Variants in RBFOX2 observed in about 807,000 individuals in gnomAD.
RBFOX2 encodes RNA binding protein fox-1 homolog 2.
Under a neutral mutation model 49.1 loss-of-function variants are expected in RBFOX2, and 10 were observed. That is an observed-to-expected ratio of 0.20 (90% CI 0.13 to 0.35). RBFOX2 has a LOEUF of 0.35. Ranked by LOEUF, RBFOX2 falls within the 10% of genes least tolerant of loss-of-function variation. The pLI is 1.00. For missense variants in RBFOX2, 323 were observed against 486.9 expected (o/e 0.66, Z 3.17); for synonymous variants, 183 against 187.4 (o/e 0.98, Z 0.19).
chr22:35,740,256 AGTAAAGCAAGTATGAAGGAAGTACAT>A (rs1291327469), exon 12 of RBFOX2: 1 of 152,542 alleles, frequency 6.6e-6, no homozygotes, highest in Non-Finnish European at 1.5e-5. Context: ...CTGGCTGATC[AGTAAAGCAAGTATGAAGGAAGTACAT>A]AGGAAAAGGA....
chr22:35,746,770 G>A (rs947210982), intron 9 of RBFOX2: 13 of 391,644 alleles, frequency 3.3e-5, no homozygotes, highest in African/African-American at 2.7e-4. Flanking sequence ...CGATATGCAA[G>A]GATTTGCTTT....
At chr22:35,811,742 C>A (rs1239537511) in intron 1 of RBFOX2, among the ~76,000 whole-genome samples, 1 of 151,936 alleles carries the variant, frequency 6.6e-6, no homozygotes, top group African/African-American at 2.4e-5. Flanking sequence ...GATGGGAGGA[C>A]TGCCTGCGGC....
chr22:35,751,379 T>G (rs1934849140), intron 9 of RBFOX2, among the ~76,000 whole-genome samples: 1 of 151,442 alleles, frequency 6.6e-6, no homozygotes, highest in African/African-American at 2.4e-5. Context: ...CTACATGTAG[T>G]GTATAGATCA....
In RBFOX2 at chr22:35,836,143, G is replaced by A. The variant is rs567805616; in HGVS notation, c.27+4049C>T. ...GAGCATGACTGGCAGGCAACCGAAT[G>A]GAATCACTTTAAAGCAGTGCCACAA... On this transcript the variant is annotated intron_variant, in intron 1 of 11. Coordinates refer to ENST00000405409, the Ensembl canonical transcript of RBFOX2. Among the ~76,000 whole-genome samples, 5 of 152,140 alleles carry A rather than the reference G, an allele frequency of 3.3e-5. No homozygotes were observed. In the South Asian group the frequency reaches 1.0e-3, roughly 32 times the overall value.
chr22:35,971,592 T>G (rs1227486823), intron 1 of RBFOX2, among the ~76,000 whole-genome samples: 2 of 152,064 alleles, frequency 1.3e-5, no homozygotes, highest in Non-Finnish European at 2.9e-5. Flanking sequence ...TCTCCCCTCC[T>G]TTTAACATTC....
At chr22:36,010,284 A>G (rs984499082) in intron 1 of RBFOX2, among the ~76,000 whole-genome samples, 2 of 152,202 alleles carry the variant, frequency 1.3e-5, no homozygotes, top group Non-Finnish European at 2.9e-5. Context: ...AAATGCCTGG[A>G]AACTTTACAC....
Position 35,892,977 on chromosome 22 carries a change from A to G in RBFOX2, c.-34+45870T>C, listed in dbSNP as rs562289985. Among the ~76,000 whole-genome samples, 18 of 152,304 alleles carry G rather than the reference A, an allele frequency of 1.2e-4. 1 individual carries two copies. In the South Asian group the frequency reaches 3.5e-3, roughly 30 times the overall value. On this transcript the variant is annotated intron_variant, in intron 1 of 13. Coordinates refer to the RBFOX2 transcript ENST00000359369. The stretch of plus-strand genomic sequence containing the variant: ...TGACCACCAAGGCTTCCTTCTATGT[A>G]TCTGGGCATTATTCGCTATAGCTCC...
exon 1 of RBFOX2, chr22:36,028,494 C>T: frequency 9.2e-7 from 1 of 1,088,746 alleles, no homozygotes; most frequent in Non-Finnish European, 1.1e-6. Flanking sequence ...TGGGCCTCGG[C>T]CCCGACTGTC....
intron 1 of RBFOX2, among the ~76,000 whole-genome samples, chr22:35,956,887 T>C (rs1406385746): frequency 6.6e-6 from 1 of 152,206 alleles, no homozygotes; most frequent in Non-Finnish European, 1.5e-5. Context: ...GAATTAGTAA[T>C]AGTAATAATT....
intron 1 of RBFOX2, among the ~76,000 whole-genome samples, chr22:35,971,764 C>T (rs2056882665): frequency 6.6e-6 from 1 of 151,996 alleles, no homozygotes; most frequent in African/African-American, 2.4e-5. Context: ...TAGGTGCATA[C>T]AATTGCAGAG....
intron 1 of RBFOX2, among the ~76,000 whole-genome samples, chr22:35,936,315 G>A (rs1217609676): frequency 1.3e-5 from 2 of 150,342 alleles, no homozygotes; most frequent in South Asian, 2.1e-4. Flanking sequence ...CCAGTTCCTC[G>A]ATTTGCTGAG....
At chr22:35,891,524 T>C (rs1004831897) in intron 1 of RBFOX2, among the ~76,000 whole-genome samples, 4 of 152,222 alleles carry the variant, frequency 2.6e-5, no homozygotes, top group Non-Finnish European at 5.9e-5. Context: ...TTGGCTGAAC[T>C]GATTTATTAA....
At chr22:35,891,658 C>T (rs1342561297) in intron 1 of RBFOX2, among the ~76,000 whole-genome samples, 1 of 152,152 alleles carries the variant, frequency 6.6e-6, no homozygotes, top group East Asian at 1.9e-4. Flanking sequence ...ACAGGGAGAA[C>T]ATATCCTGTT....
At chr22:35,776,394 G>A (rs781629015) in intron 4 of RBFOX2, among the ~76,000 whole-genome samples, 1 of 152,200 alleles carries the variant, frequency 6.6e-6, no homozygotes, top group Non-Finnish European at 1.5e-5. Flanking sequence ...GAAGCTTAGA[G>A]TATAATTACC....
At chr22:35,854,084 T>A (rs1298126639) in intron 1 of RBFOX2, among the ~76,000 whole-genome samples, 4 of 151,956 alleles carry the variant, frequency 2.6e-5, no homozygotes. Context: ...TGGTGGTGCA[T>A]GACTGTAATC....
rs976948509 is a variant in RBFOX2, at chr22:35,973,689, A to G, written c.187-34792T>C. Reference sequence around the variant, plus strand: ...CTCTTATCTGGAGCCAATGTGATCAATGTTTTCCTCTCAACTAAAAATGGT... The same window carrying G: ...CTCTTATCTGGAGCCAATGTGATCAGTGTTTTCCTCTCAACTAAAAATGGT... On this transcript the variant is annotated intron_variant, in intron 1 of 13. Transcript: ENST00000438146. 1.3e-5 allele frequency among the ~76,000 whole-genome samples: 2 copies of G among 152,230 alleles called. 1 individual carries two copies. The highest frequency in any genetic ancestry group is 2.9e-5 in the Non-Finnish European group (2 of 68,040).
At chr22:35,840,116 C>T in intron 1 of RBFOX2, 2 of 1,544,932 alleles carry the variant, frequency 1.3e-6, no homozygotes, top group South Asian at 2.2e-5. Flanking sequence ...ACTCTTCTTA[C>T]TATACTCCAC....
intron 1 of RBFOX2, among the ~76,000 whole-genome samples, chr22:35,899,263 A>T (rs938209880): frequency 2.6e-5 from 4 of 152,082 alleles, no homozygotes; most frequent in African/African-American, 9.7e-5. Context: ...GAAACCCTCA[A>T]AATAAAGAAA....
intron 1 of RBFOX2, chr22:35,961,462 C>A (rs2056198859): frequency 3.2e-6 from 4 of 1,231,836 alleles, no homozygotes; most frequent in Non-Finnish European, 4.3e-6. Flanking sequence ...ACACGACCGA[C>A]CTCTCTGCTT....
Sources: gnomAD v4.1 joint callset for allele counts (sites outside exome capture counted in the v4.1 genomes callset) on GRCh38, gnomAD v4.1.1 for gene constraint, MANE v1.5 for transcripts, NCBI Gene and HGNC (gene_info 2026-07-23, HGNC 2026-07-21) for gene names.